The following SCML4 variants were observed in gnomAD, a reference collection of about 807,000 sequenced individuals.
SCML4 encodes the protein sex comb on midleg-like protein 4.
SCML4 carries 34 observed loss-of-function variants against 41.1 expected under a neutral mutation model. The ratio of observed to expected loss-of-function variants is 0.83; its 90% CI spans 0.63 to 1.10. The LOEUF (loss-of-function observed/expected upper bound fraction) is 1.10, where lower values mean the gene tolerates loss of function less well. Ranked by LOEUF, SCML4 falls within the 50% of genes least tolerant of loss-of-function variation. SCML4 has a pLI of 0.00. For synonymous variants in SCML4, 214 were observed against 220.9 expected (o/e 0.97, Z 0.28); for missense variants, 522 against 534.1 (o/e 0.98, Z 0.22).
intron 1 of SCML4, among the ~76,000 whole-genome samples, chr6:107,788,268 G>T (rs9486696): frequency 0.14 from 21,135 of 152,134 alleles, 1,974 homozygotes; most frequent in African/African-American, 0.27. Flanking sequence ...GTGACTCTTG[G>T]GTATCAGTGT....
chr6:107,748,076 C>T (rs762851991), intron 3 of SCML4, among the ~76,000 whole-genome samples: 1 of 152,174 alleles, frequency 6.6e-6, no homozygotes, highest in African/African-American at 2.4e-5. Flanking sequence ...GGAAATAAGA[C>T]ACAAAAGTTA....
In SCML4 at chr6:107,745,084, C is replaced by T. The variant is rs140445627; in HGVS notation, c.547G>A (p.Gly183Ser). 394 of 1,612,200 alleles carry T rather than the reference C, an allele frequency of 2.4e-4. No individual in the cohort carries two copies. Among genetic ancestry groups the T allele is most frequent in the Non-Finnish European group, 3.0e-4 (348 of 1,179,176 alleles). The change falls in exon 5 of 8, where the codon GGC (glycine) becomes AGC (serine). Residue 183 changes from glycine (G) to serine (S), a missense_variant. By Grantham distance (56) the Gly-to-Ser change is moderately conservative. Transcript: ENST00000369020. ...LRSLPVVNSIGYVLRFLAKLC... is the reference protein window; with the variant it reads ...LRSLPVVNSISYVLRFLAKLC... ...TTGGCGAGGAAGCGGAGGACATAGC[C>T]GATGCTGTTCACCACAGGCAGGCTC...
At chr6:107,746,409 G>C in intron 4 of SCML4, 2 of 425,690 alleles carry the variant, frequency 4.7e-6, no homozygotes, top group Non-Finnish European at 8.3e-6. Flanking sequence ...TTTTGAAGTG[G>C]AGAAAAAAAA....
At chr6:107,743,433 G>A (rs994175804) in intron 5 of SCML4, among the ~76,000 whole-genome samples, 1 of 152,210 alleles carries the variant, frequency 6.6e-6, no homozygotes. Flanking sequence ...TAACAATGAG[G>A]CAAGCATCTG....
At chr6:107,713,963 G>T (rs1774489804) in intron 6 of SCML4, among the ~76,000 whole-genome samples, 1 of 152,198 alleles carries the variant, frequency 6.6e-6, no homozygotes, top group Non-Finnish European at 1.5e-5. Flanking sequence ...CCAGGCTGGA[G>T]TGCAGTGGGG....
intron 1 of SCML4, among the ~76,000 whole-genome samples, chr6:107,776,750 G>T (rs1045042212): frequency 6.6e-6 from 1 of 152,126 alleles, no homozygotes; most frequent in African/African-American, 2.4e-5. Flanking sequence ...AATCTGACAA[G>T]AGCACAAAGA....
chr6:107,761,138 G>A (rs1328643736), intron 2 of SCML4, among the ~76,000 whole-genome samples: 1 of 152,084 alleles, frequency 6.6e-6, no homozygotes, highest in Non-Finnish European at 1.5e-5. Context: ...AAGAGTTTCA[G>A]AAGAAAAGAA....
intron 1 of SCML4, among the ~76,000 whole-genome samples, chr6:107,809,007 T>A (rs1303804546): frequency 6.6e-6 from 1 of 150,966 alleles, no homozygotes; most frequent in Non-Finnish European, 1.5e-5. Flanking sequence ...CATGTTGAAA[T>A]GTAACTCACA....
intron 2 of SCML4, among the ~76,000 whole-genome samples, chr6:107,751,342 T>C (rs1247600520): frequency 6.6e-6 from 1 of 152,150 alleles, no homozygotes; most frequent in Non-Finnish European, 1.5e-5. Context: ...GAGCAAGTCA[T>C]ACAGTGTGTA....
chr6:107,774,207 C>T (rs1276751279), intron 1 of SCML4, among the ~76,000 whole-genome samples: 4 of 151,994 alleles, frequency 2.6e-5, no homozygotes, highest in East Asian at 1.9e-4. Context: ...GAAAAATACT[C>T]GGTCTCATTG....
intron 1 of SCML4, 77 bp from the exon 2 acceptor site, chr6:107,772,463 C>G: frequency 1.2e-6 from 1 of 837,050 alleles, no homozygotes; most frequent in East Asian, 2.8e-5. Context: ...ATGATCCTGT[C>G]TGGTGATTTT....
chr6:107,720,077 C>T (rs1338181660), intron 6 of SCML4: 1 of 985,330 alleles, frequency 1.0e-6, no homozygotes, highest in African/African-American at 1.7e-5. Flanking sequence ...TGCCTCTGCT[C>T]ATGTATTTGT....
intron 1 of SCML4, among the ~76,000 whole-genome samples, chr6:107,816,821 T>A (rs1784578728): frequency 6.6e-6 from 1 of 152,238 alleles, no homozygotes; most frequent in South Asian, 2.1e-4. Context: ...TCATTTTAAC[T>A]TTTCCACAGA....
chr6:107,786,566 C>A (rs1265719422), intron 1 of SCML4, among the ~76,000 whole-genome samples: 1 of 152,196 alleles, frequency 6.6e-6, no homozygotes, highest in Non-Finnish European at 1.5e-5. Flanking sequence ...TTCTAATATG[C>A]TTGAGCTCCT....
At chr6:107,743,402 T>TG (rs2114487927) in intron 5 of SCML4, among the ~76,000 whole-genome samples, 1 of 152,298 alleles carries the variant, frequency 6.6e-6, no homozygotes, top group Admixed American at 6.5e-5. Flanking sequence ...TGATGTCCCA[T>TG]GGGTCATTGT....
rs1207857523 is a variant in SCML4, at chr6:107,794,592, TA to T, written c.-59-22207del. 2.0e-5 allele frequency among the ~76,000 whole-genome samples: 3 copies of T among 152,114 alleles called. No individual in the cohort carries two copies. In the East Asian group the frequency reaches 5.8e-4, roughly 29 times the overall value. On this transcript the variant is annotated intron_variant, in intron 1 of 7. Transcript: ENST00000369020. ...GTGTGTCTATATATATATATGCACA[TA>T]TATATATAATTTTTAGAGCACGTTT...
Position 107,720,976 on chromosome 6 carries a change from C to A in SCML4, c.700G>T (p.Glu234Ter). Residue 234 changes from glutamate to a stop codon, truncating the protein, a stop_gained, in exon 6 of 8, where the codon GAA becomes TAA. Coordinates refer to ENST00000369020, the MANE Select transcript of SCML4 (RefSeq NM_198081.5). LOFTEE classifies it high-confidence loss of function. ...RMESVKTVTTEEYLVNPVGMN... is the reference protein window; with the variant it reads ...RMESVKTVTT ...CCCACAGGGTTCACCAGGTACTCTT[C>A]GGTGGTGACTGTCTTGACTAAGCAA... 6.2e-7 allele frequency: 1 copy of A among 1,610,680 alleles called. No individual in the cohort carries two copies. Among genetic ancestry groups the A allele is most frequent in the Non-Finnish European group, 8.5e-7 (1 of 1,178,406 alleles).
chr6:107,822,783 T>G (rs936372108), intron 1 of SCML4, among the ~76,000 whole-genome samples: 17 of 152,196 alleles, frequency 1.1e-4, no homozygotes, highest in African/African-American at 3.9e-4. Context: ...TCCCTAAAAC[T>G]GAAGATTCTA....
chr6:107,707,677 C>G (rs1026918527), intron 7 of SCML4, among the ~76,000 whole-genome samples, 189 bp downstream of exon 7: 1 of 152,182 alleles, frequency 6.6e-6, no homozygotes, highest in South Asian at 2.1e-4. Flanking sequence ...AGTGGTCACT[C>G]TGCTCTGAGG....
Sources: gnomAD v4.1 joint callset for allele counts (sites outside exome capture counted in the v4.1 genomes callset) on GRCh38, gnomAD v4.1.1 for gene constraint, MANE v1.5 for transcripts, NCBI Gene and HGNC (gene_info 2026-07-23, HGNC 2026-07-21) for gene names.